UBE2L3: variants seen among roughly 807,000 people sequenced by gnomAD.
UBE2L3 encodes ubiquitin conjugating enzyme E2 L3, also known as ubiquitin-conjugating enzyme E2 L3.
In UBE2L3, 1 loss-of-function variant was observed where a neutral mutation model predicts 17.8. The ratio of observed to expected loss-of-function variants is 0.06; its 90% CI spans 0.02 to 0.27. The LOEUF (loss-of-function observed/expected upper bound fraction) is 0.27, where lower values mean the gene tolerates loss of function less well. Among genes scored for constraint, UBE2L3 ranks in the 10% least tolerant of loss-of-function variants. The pLI is 1.00. For synonymous variants in UBE2L3, 44 were observed against 68.5 expected, an observed-to-expected ratio of 0.64 and a Z score of 1.76; for missense variants, 40 against 192.6, an observed-to-expected ratio of 0.21 and a Z score of 4.69.
intron 1 of UBE2L3, among the ~76,000 whole-genome samples, chr22:21,557,603 A>C (rs1185969966): frequency 6.6e-6 from 1 of 151,966 alleles, no homozygotes; most frequent in Non-Finnish European, 1.5e-5. Context: ...GCTCACTGCA[A>C]CCTCCGCCTC....
At chr22:21,612,633 CTTTTCTTTTCT>C (rs1242233528) in intron 3 of UBE2L3, among the ~76,000 whole-genome samples, 3 of 76,678 alleles carry the variant, frequency 3.9e-5, no homozygotes, top group African/African-American at 1.3e-4. Flanking sequence ...CCGATTTTTT[CTTTTCTTTTCT>C]TTTTTTTTTT....
intron 2 of UBE2L3, among the ~76,000 whole-genome samples, chr22:21,608,937 C>G (rs1929324374): frequency 6.6e-6 from 1 of 151,782 alleles, no homozygotes; most frequent in Admixed American, 6.6e-5. Context: ...CTCTTTCGTC[C>G]AGGCCAGACT....
chr22:21,582,660 G>A (rs1396830456), intron 1 of UBE2L3, among the ~76,000 whole-genome samples: 1 of 152,090 alleles, frequency 6.6e-6, no homozygotes, highest in Admixed American at 6.6e-5. Flanking sequence ...CGAGTAGCTG[G>A]GATTACAGGC....
intron 1 of UBE2L3, among the ~76,000 whole-genome samples, chr22:21,578,880 G>A (rs896509473): frequency 1.1e-4 from 17 of 152,140 alleles, no homozygotes; most frequent in Non-Finnish European, 4.4e-5. Flanking sequence ...ACTCCTTAGT[G>A]TTGTGCCTTT....
chr22:21,620,819 AC>A (rs1254639869), intron 3 of UBE2L3, among the ~76,000 whole-genome samples: 1 of 152,052 alleles, frequency 6.6e-6, no homozygotes. Flanking sequence ...GCCATCACAT[AC>A]CCTTCTCTCT....
intron 2 of UBE2L3, among the ~76,000 whole-genome samples, chr22:21,604,314 C>T (rs1000356203): frequency 6.6e-6 from 1 of 152,038 alleles, no homozygotes; most frequent in South Asian, 2.1e-4. Context: ...TCCTGGGCAA[C>T]ACGGTGAAAC....
At position 21,606,305 on chromosome 22, in the gene UBE2L3, T is replaced by C. The variant is rs569487266; in HGVS notation, c.124-4552T>C. ...ATGCAGGAAAGTGTGCGCGCGCGCG[T>C]GTGTGTGGTATGTGTGTGTGTGTGT... On this transcript the variant is annotated intron_variant, in intron 2 of 3. Transcript: ENST00000342192. 8.0e-3 allele frequency among the ~76,000 whole-genome samples: 1,220 copies of C among 151,710 alleles called. 14 individuals carry two copies. The highest frequency in any genetic ancestry group is 0.011 in the Non-Finnish European group (729 of 67,910).
intron 1 of UBE2L3, among the ~76,000 whole-genome samples, chr22:21,576,725 C>T (rs1159599905): frequency 6.6e-6 from 1 of 151,872 alleles, no homozygotes; most frequent in African/African-American, 2.4e-5. Flanking sequence ...TGAGCCACTG[C>T]GCCTGGCCGA....
In UBE2L3 at chr22:21,560,336, T is replaced by C. The variant is rs1020351894; in HGVS notation, c.201+10686T>C. Among the ~76,000 whole-genome samples, 7 of 152,400 alleles carry C rather than the reference T, an allele frequency of 4.6e-5. No individual in the cohort carries two copies. In the South Asian group the frequency reaches 1.2e-3, roughly 27 times the overall value. Reference sequence around the variant, plus strand: ...CTTTGAACAAGCAGGCACTGCTTCCTGAGATCCCCATTGCTGCTATCAGCG... The same window carrying C: ...CTTTGAACAAGCAGGCACTGCTTCCCGAGATCCCCATTGCTGCTATCAGCG... On this transcript the variant is annotated intron_variant, in intron 1 of 3. Coordinates refer to the UBE2L3 transcript ENST00000458578.
At chr22:21,574,305 A>G (rs1927142963) in intron 1 of UBE2L3, among the ~76,000 whole-genome samples, 2 of 152,124 alleles carry the variant, frequency 1.3e-5, no homozygotes, top group African/African-American at 4.8e-5. Flanking sequence ...TAGCTGAGTG[A>G]CCCTGGGCAA....
chr22:21,577,394 C>T (rs555230133), intron 1 of UBE2L3, among the ~76,000 whole-genome samples: 23 of 152,188 alleles, frequency 1.5e-4, no homozygotes, highest in Non-Finnish European at 3.1e-4. Context: ...CGTGAGCTAC[C>T]GCACCCAGCC....
chr22:21,600,702 A>T (rs1329627687), intron 2 of UBE2L3, among the ~76,000 whole-genome samples: 5 of 152,084 alleles, frequency 3.3e-5, no homozygotes, highest in African/African-American at 1.2e-4. Context: ...TCTCAAAAAA[A>T]AGGAAATATT....
At chr22:21,620,688 C>G (rs760021983) in intron 3 of UBE2L3, among the ~76,000 whole-genome samples, 3 of 152,156 alleles carry the variant, frequency 2.0e-5, no homozygotes, top group Non-Finnish European at 2.9e-5. Flanking sequence ...GTGGTCTTGA[C>G]AATGTGATGC....
intron 1 of UBE2L3, among the ~76,000 whole-genome samples, chr22:21,574,985 A>G (rs1436155527): frequency 3.3e-5 from 5 of 151,272 alleles, no homozygotes; most frequent in East Asian, 1.9e-4. Flanking sequence ...GGCTTGGCGC[A>G]GTAGCTCACA....
intron 3 of UBE2L3, among the ~76,000 whole-genome samples, chr22:21,612,161 C>T (rs1929513082): frequency 6.6e-6 from 1 of 152,256 alleles, no homozygotes; most frequent in Non-Finnish European, 1.5e-5. Flanking sequence ...AAGTAATCAC[C>T]ATGAAAGGTG....
chr22:21,599,488 C>T (rs1478507470), intron 2 of UBE2L3, among the ~76,000 whole-genome samples: 1 of 152,056 alleles, frequency 6.6e-6, no homozygotes, highest in Non-Finnish European at 1.5e-5. Context: ...GAGAAGCCAC[C>T]CTCCTGGAAT....
intron 3 of UBE2L3, among the ~76,000 whole-genome samples, chr22:21,620,885 G>A (rs1930011667): frequency 6.6e-6 from 1 of 152,176 alleles, no homozygotes; most frequent in Admixed American, 6.5e-5. Context: ...ATGGTGCTGG[G>A]TGCTGGGCTG....
In UBE2L3 at chr22:21,551,987, A is replaced by C. The variant is rs867037613; in HGVS notation, c.201+2337A>C. Among the ~76,000 whole-genome samples, 688 of 98,528 alleles carry C rather than the reference A, an allele frequency of 7.0e-3. 4 individuals are homozygous for C. The highest frequency in any genetic ancestry group is 0.03 in the African/African-American group (644 of 21,388). The allele number at this position is 98,528 out of a possible 152,430, so 64.6% of individuals were successfully genotyped here. On this transcript the variant is annotated intron_variant, in intron 1 of 3. Coordinates refer to the UBE2L3 transcript ENST00000458578. ...AACATACATACACACACTGAACTGAAGAAATACACACACACACACACACAC... is the reference window on the plus strand; with the variant it reads ...AACATACATACACACACTGAACTGACGAAATACACACACACACACACACAC...
At chr22:21,573,485 C>T (rs1428149971) in intron 1 of UBE2L3, among the ~76,000 whole-genome samples, 1 of 152,204 alleles carries the variant, frequency 6.6e-6, no homozygotes, top group East Asian at 1.9e-4. Context: ...AAAAATGGCA[C>T]GTACCTGGAA....
Sources: gnomAD v4.1 joint callset for allele counts (sites outside exome capture counted in the v4.1 genomes callset) on GRCh38, gnomAD v4.1.1 for gene constraint, MANE v1.5 for transcripts, NCBI Gene and HGNC (gene_info 2026-07-23, HGNC 2026-07-21) for gene names.